PLD5: variants seen among roughly 807,000 people sequenced by gnomAD.
The protein encoded by PLD5 is phospholipase D family member 5.
A neutral mutation model predicts 61.1 loss-of-function variants in PLD5; 36 were observed. The observed-to-expected ratio is 0.59, with a 90% CI of 0.45 to 0.78. The LOEUF is 0.78. Among genes scored for constraint, PLD5 ranks in the 30% least tolerant of loss-of-function variants. PLD5 has a pLI of 0.00. For missense variants in PLD5, 515 were observed against 644.4 expected (o/e 0.80, Z 2.17); for synonymous variants, 243 against 242.8 (o/e 1.00, Z -0.01).
intron 4 of PLD5, 119 bp from the exon 5 acceptor site, chr1:242,220,234 C>T: frequency 7.5e-7 from 1 of 1,331,536 alleles, no homozygotes; most frequent in South Asian, 1.4e-5. Flanking sequence ...TTTAGGAAAG[C>T]TAAATATTTA....
intron 1 of PLD5, among the ~76,000 whole-genome samples, chr1:242,407,742 C>A (rs1165302555): frequency 1.3e-5 from 2 of 151,956 alleles, no homozygotes; most frequent in African/African-American, 4.8e-5. Context: ...CCACACCTGG[C>A]TAATTTTTGT....
intron 1 of PLD5, among the ~76,000 whole-genome samples, chr1:242,393,185 G>T (rs540646881): frequency 7.0e-6 from 1 of 142,932 alleles, no homozygotes; most frequent in Non-Finnish European, 1.5e-5. Context: ...GCCTGGATAA[G>T]ACGACGACTC....
At chr1:242,525,769 C>T (rs1558170968), upstream of PLD5, among the ~76,000 whole-genome samples, 1 of 152,108 alleles carries the variant, frequency 6.6e-6, no homozygotes, top group East Asian at 1.9e-4. Flanking sequence ...GACATTCTGG[C>T]TGGGATTTCA....
intron 5 of PLD5, among the ~76,000 whole-genome samples, chr1:242,183,572 A>G (rs1005952809): frequency 6.6e-6 from 1 of 152,180 alleles, no homozygotes; most frequent in East Asian, 1.9e-4. Context: ...TTCGTGTCTC[A>G]ATTATTGTTT....
chr1:242,238,549 C>A (rs573429196), intron 4 of PLD5, among the ~76,000 whole-genome samples: 1 of 152,060 alleles, frequency 6.6e-6, no homozygotes, highest in Non-Finnish European at 1.5e-5. Context: ...GGAGTTTCCA[C>A]GGTCTAAGTA....
intron 1 of PLD5, among the ~76,000 whole-genome samples, chr1:242,399,740 G>C (rs767830893): frequency 6.6e-6 from 1 of 152,132 alleles, no homozygotes; most frequent in African/African-American, 2.4e-5. Flanking sequence ...CCCCACAGTA[G>C]GAGGTGAGTG....
chr1:242,398,388 C>A (rs1390224277), intron 1 of PLD5, among the ~76,000 whole-genome samples: 4 of 152,194 alleles, frequency 2.6e-5, no homozygotes, highest in Non-Finnish European at 1.5e-5. Flanking sequence ...CAAGTTTTAT[C>A]TGCTGAAAAT....
intron 4 of PLD5, among the ~76,000 whole-genome samples, 180 bp downstream of exon 4, chr1:242,265,157 A>T (rs1181761619): frequency 6.6e-6 from 1 of 152,310 alleles, no homozygotes; most frequent in East Asian, 1.9e-4. Flanking sequence ...TTAAATCCCA[A>T]TATATTAATT....
chr1:242,094,933 AT>A (rs1279409951), intron 9 of PLD5, among the ~76,000 whole-genome samples: 18 of 151,974 alleles, frequency 1.2e-4, no homozygotes. Flanking sequence ...TATATTTATT[AT>A]TTTTTAATAT....
intron 2 of PLD5, among the ~76,000 whole-genome samples, chr1:242,335,933 T>C (rs1294563090): frequency 6.6e-6 from 1 of 152,224 alleles, no homozygotes; most frequent in Non-Finnish European, 1.5e-5. Flanking sequence ...ATTTTGTTAC[T>C]AATACAATAA....
intron 1 of PLD5, among the ~76,000 whole-genome samples, chr1:242,436,137 T>G (rs1304133863): frequency 1.3e-5 from 2 of 152,204 alleles, no homozygotes; most frequent in Non-Finnish European, 2.9e-5. Flanking sequence ...TGGAAACTTG[T>G]TGGTCACCAG....
chr1:242,269,945 ACCTTTCAATTCCAAAAG>A (rs1186407273), intron 3 of PLD5, among the ~76,000 whole-genome samples: 1 of 152,186 alleles, frequency 6.6e-6, no homozygotes, highest in African/African-American at 2.4e-5. Context: ...ATCTTCTGGT[ACCTTTCAATTCCAAAAG>A]ACTGGTGGGT....
chr1:242,272,309 C>T (rs181339672), intron 3 of PLD5, among the ~76,000 whole-genome samples: 11 of 152,096 alleles, frequency 7.2e-5, no homozygotes, highest in African/African-American at 2.4e-4. Flanking sequence ...CAATGTAATA[C>T]TTCAAAATAT....
In PLD5 at chr1:242,404,875, ATT is replaced by A. The variant is rs11361107; in HGVS notation, c.190-56635_190-56634del. 4.0e-3 allele frequency among the ~76,000 whole-genome samples: 300 copies of A among 75,384 alleles called. 7 individuals carry two copies. The East Asian group carries it at 0.057, about 14-fold the overall frequency. 49.5% of individuals were successfully genotyped at this position (75,384 alleles called of 152,430 possible). On this transcript the variant is annotated intron_variant, in intron 1 of 9. Coordinates refer to ENST00000536534, the MANE Select transcript of PLD5 (RefSeq NM_001372062.1). ...CATGCCTCTTATCTGTTCCCTGCTAATTTTTTTTTTTTTTTTTTTTTTGAGAT... is the reference window on the plus strand; with the variant it reads ...CATGCCTCTTATCTGTTCCCTGCTAATTTTTTTTTTTTTTTTTTTTGAGAT...
At chr1:242,429,363 G>A (rs933812028) in intron 1 of PLD5, among the ~76,000 whole-genome samples, 14 of 152,288 alleles carry the variant, frequency 9.2e-5, no homozygotes, top group African/African-American at 2.9e-4. Context: ...AAGTTTAATT[G>A]TGGGGACTGT....
intron 9 of PLD5, among the ~76,000 whole-genome samples, chr1:242,090,332 C>A (rs188993292): frequency 6.6e-6 from 1 of 152,158 alleles, no homozygotes; most frequent in African/African-American, 2.4e-5. Flanking sequence ...AGCTTTGCTC[C>A]GGTGGAAACT....
intron 5 of PLD5, among the ~76,000 whole-genome samples, chr1:242,145,302 T>G (rs1358828653): frequency 6.6e-6 from 1 of 152,192 alleles, no homozygotes; most frequent in African/African-American, 2.4e-5. Context: ...GTAGACAGTT[T>G]CCTCAGGAAG....
At chr1:242,090,967 G>A (rs978142650) in intron 9 of PLD5, among the ~76,000 whole-genome samples, 2 of 151,794 alleles carry the variant, frequency 1.3e-5, no homozygotes, top group African/African-American at 2.4e-5. Context: ...TGCTCAGGCT[G>A]GTCTTGAACT....
chr1:242,326,361 C>CTAAGTATATGCATACTAAAGAT (rs1658782873), intron 2 of PLD5, among the ~76,000 whole-genome samples: 1 of 152,072 alleles, frequency 6.6e-6, no homozygotes, highest in South Asian at 2.1e-4. Context: ...TACTGCGGCT[C>CTAAGTATATGCATACTAAAGAT]AAAGTTGTTC....
Sources: gnomAD v4.1 joint callset for allele counts (sites outside exome capture counted in the v4.1 genomes callset) on GRCh38, gnomAD v4.1.1 for gene constraint, MANE v1.5 for transcripts, NCBI Gene and HGNC (gene_info 2026-07-23, HGNC 2026-07-21) for gene names.